Variants in XYLT1 observed in about 807,000 individuals in gnomAD.
The protein encoded by XYLT1 is beta-D-xylosyltransferase 1.
XYLT1 carries 36 observed loss-of-function variants against 91.3 expected under a neutral mutation model. The ratio of observed to expected loss-of-function variants is 0.39; its 90% CI spans 0.30 to 0.52. The LOEUF (loss-of-function observed/expected upper bound fraction) is 0.52, where lower values mean the gene tolerates loss of function less well. XYLT1 is among the 20% of genes least tolerant of loss of function. The pLI is 0.68. For missense variants in XYLT1, 1,242 were observed against 1,284.5 expected (o/e 0.97, Z 0.51); for synonymous variants, 588 against 532.0 (o/e 1.11, Z -1.45).
intron 3 of XYLT1, among the ~76,000 whole-genome samples, chr16:17,234,483 A>G (rs1028726989): frequency 6.6e-6 from 1 of 152,196 alleles, no homozygotes; most frequent in Non-Finnish European, 1.5e-5. Context: ...TACCTAATAA[A>G]TAAATAATGG....
At chr16:17,235,587 G>A (rs944593307) in intron 3 of XYLT1, among the ~76,000 whole-genome samples, 7 of 152,148 alleles carry the variant, frequency 4.6e-5, no homozygotes, top group East Asian at 1.9e-4. Context: ...CCAAAGACGC[G>A]CTGAGTCACG....
At chr16:17,452,671 A>T (rs1408629837) in intron 1 of XYLT1, among the ~76,000 whole-genome samples, 1 of 152,136 alleles carries the variant, frequency 6.6e-6, no homozygotes, top group Non-Finnish European at 1.5e-5. Flanking sequence ...CGATTGTTTA[A>T]ATTTCTATGC....
At chr16:17,249,107 T>A (rs2033493898) in intron 3 of XYLT1, among the ~76,000 whole-genome samples, 1 of 152,138 alleles carries the variant, frequency 6.6e-6, no homozygotes, top group Non-Finnish European at 1.5e-5. Flanking sequence ...GGGGATTCTA[T>A]CTGCTTTCCT....
chr16:17,314,394 T>C (rs1476103129), intron 2 of XYLT1, among the ~76,000 whole-genome samples: 1 of 152,108 alleles, frequency 6.6e-6, no homozygotes, highest in Non-Finnish European at 1.5e-5. Flanking sequence ...GCCGAGTCAG[T>C]CATTTTTTTA....
intron 1 of XYLT1, among the ~76,000 whole-genome samples, chr16:17,457,125 T>C (rs1048519802): frequency 6.6e-6 from 1 of 152,184 alleles, no homozygotes; most frequent in African/African-American, 2.4e-5. Flanking sequence ...AATTTCTTAA[T>C]AGGCACTCTA....
chr16:17,168,067 G>A (rs2031740450), intron 5 of XYLT1, among the ~76,000 whole-genome samples: 1 of 152,232 alleles, frequency 6.6e-6, no homozygotes, highest in African/African-American at 2.4e-5. Flanking sequence ...GGGACTTGCT[G>A]AAGAAGAGAC....
chr16:17,324,587 C>T (rs1035562165), intron 2 of XYLT1, among the ~76,000 whole-genome samples: 4 of 152,254 alleles, frequency 2.6e-5, no homozygotes, highest in Non-Finnish European at 5.9e-5. Flanking sequence ...GCTTGTCCTT[C>T]GTTTCTGAGC....
chr16:17,361,845 T>C (rs2035386097), intron 1 of XYLT1, among the ~76,000 whole-genome samples: 1 of 152,268 alleles, frequency 6.6e-6, no homozygotes, highest in African/African-American at 2.4e-5. Flanking sequence ...TGACTGAGGT[T>C]CTGAACAGTT....
At chr16:17,201,826 C>A (rs1187971199) in intron 3 of XYLT1, among the ~76,000 whole-genome samples, 1 of 152,122 alleles carries the variant, frequency 6.6e-6, no homozygotes, top group African/African-American at 2.4e-5. Flanking sequence ...ATGAGCCTTT[C>A]TGTTCCCACA....
chr16:17,148,708 G>T (rs1196249822), intron 6 of XYLT1, among the ~76,000 whole-genome samples: 1 of 152,136 alleles, frequency 6.6e-6, no homozygotes, highest in Non-Finnish European at 1.5e-5. Context: ...GGTCTAGCTG[G>T]ATCCAATGCA....
intron 2 of XYLT1, among the ~76,000 whole-genome samples, chr16:17,345,449 G>C (rs1261022185): frequency 1.3e-5 from 2 of 152,240 alleles, no homozygotes; most frequent in Non-Finnish European, 2.9e-5. Flanking sequence ...AGGAGGCAGT[G>C]CATGGAGGCA....
chr16:17,186,661 G>A (rs889492301), intron 5 of XYLT1, among the ~76,000 whole-genome samples: 7 of 152,210 alleles, frequency 4.6e-5, no homozygotes, highest in Admixed American at 3.9e-4. Flanking sequence ...GAAGCACATA[G>A]TGAGATGTCA....
chr16:17,278,295 A>G, intron 2 of XYLT1, among the ~76,000 whole-genome samples: 1 of 152,086 alleles, frequency 6.6e-6, no homozygotes, highest in East Asian at 1.9e-4. Context: ...AGGCCACTAG[A>G]TGGCTCTTTC....
intron 6 of XYLT1, 139 bp downstream of exon 6, chr16:17,158,690 A>G (rs940872194): frequency 4.5e-5 from 37 of 819,102 alleles, no homozygotes; most frequent in Middle Eastern, 2.4e-4. Flanking sequence ...ACGCAGACAC[A>G]GCGAAGGACA....
intron 5 of XYLT1, among the ~76,000 whole-genome samples, chr16:17,171,924 G>C (rs2031828785): frequency 6.6e-6 from 1 of 152,220 alleles, no homozygotes; most frequent in Non-Finnish European, 1.5e-5. Flanking sequence ...AAGGAGGCTG[G>C]CATCTTACTC....
At position 17,274,570 on chromosome 16, in the gene XYLT1, C is replaced by T. The variant is rs189676212; in HGVS notation, c.403-15072G>A. ...GAATATAAGTTATTTTAATATAGGA[C>T]CAAAAGGGAGTGTAGGGATGGGTGT... is the stretch of plus-strand genomic sequence containing the variant. On this transcript the variant is annotated intron_variant, in intron 2 of 11. Transcript: ENST00000261381. Among the ~76,000 whole-genome samples the T allele has an allele frequency of 3.1e-3, 468 of 152,144 alleles. 2 individuals are homozygous for T. Among genetic ancestry groups the T allele is most frequent in the Non-Finnish European group, 5.0e-3 (343 of 68,004 alleles).
At chr16:17,447,823 G>A (rs2036612584) in intron 1 of XYLT1, among the ~76,000 whole-genome samples, 1 of 152,182 alleles carries the variant, frequency 6.6e-6, no homozygotes, top group Non-Finnish European at 1.5e-5. Context: ...GAGAATATGA[G>A]TACTACTTCT....
intron 6 of XYLT1, among the ~76,000 whole-genome samples, chr16:17,150,933 A>G (rs556826846): frequency 6.6e-6 from 1 of 152,272 alleles, no homozygotes. Context: ...TGAGTGACAG[A>G]AAATTGAAAG....
chr16:17,365,298 G>C (rs1383190034), intron 1 of XYLT1, among the ~76,000 whole-genome samples: 1 of 152,142 alleles, frequency 6.6e-6, no homozygotes. Context: ...GCATAACGGG[G>C]CTTTCTCTTC....
Sources: allele counts gnomAD v4.1 joint callset (sites outside exome capture counted in the v4.1 genomes callset), GRCh38; gene constraint gnomAD v4.1.1; transcripts MANE v1.5; gene names NCBI Gene and HGNC (gene_info 2026-07-23, HGNC 2026-07-21).